The following RACGAP1 variants were observed in gnomAD, a reference collection of about 807,000 sequenced individuals.
The protein encoded by RACGAP1 is Rac GTPase activating protein 1.
Under a neutral mutation model 78.1 loss-of-function variants are expected in RACGAP1, and 30 were observed. That is an observed-to-expected ratio of 0.38 (90% CI 0.29 to 0.52). RACGAP1 has a LOEUF of 0.52. RACGAP1 is among the 20% of genes least tolerant of loss of function. The probability of loss-of-function intolerance (pLI) is 0.82; values close to 1 mark genes in which losing one functional copy is unlikely to be tolerated. For synonymous variants in RACGAP1, 231 were observed against 264.8 expected (o/e 0.87, Z 1.24); for missense variants, 587 against 777.1 (o/e 0.76, Z 2.91).
chr12:50,028,762 ACT>A (rs1015592619), upstream of RACGAP1, among the ~76,000 whole-genome samples: 6 of 149,394 alleles, frequency 4.0e-5, no homozygotes, highest in African/African-American at 1.5e-4. Context: ...ACAGAGAAAG[ACT>A]CTGTCTCAAA....
Position 49,990,745 on chromosome 12 carries a change from T to C in RACGAP1, c.1762A>G (p.Thr588Ala), listed in dbSNP as rs1285174208. The C allele has an allele frequency of 3.7e-6, 6 of 1,613,632 alleles. No homozygotes were observed. The highest frequency in any genetic ancestry group is 1.3e-5 in the African/African-American group (1 of 74,796). Residue 588 changes from threonine to alanine, a missense_variant, in exon 16 of 17, where the codon ACT (threonine) becomes GCT (alanine). Physicochemically the swap from Thr to Ala is moderately conservative, Grantham distance 58. Transcript: ENST00000312377. ...TGTGACAGGGAACTAGATGAAGGAG[T>C]CTTGAGAAGCTGATGTTCAGGAGTG... ...VTTPEHQLLK[T>A]PSSSSLSQRV...
rs1948843560 is a variant in RACGAP1, at chr12:50,004,235, C to T, written c.495G>A (p.Leu165=). ...TTCTCAGAGATCAAATGTTTATTAC[C>T]AGTGATTCATCAGTCTTGTCAAAGC... ...DISFDKTDES[L]DWDSSLVKTF... The change falls in exon 5 of 17, where the codon CTG becomes CTA. Residue 165 remains leucine, a splice_region_variant and synonymous_variant. Coordinates refer to ENST00000312377, the MANE Select transcript of RACGAP1 (RefSeq NM_001319999.2). The T allele has an allele frequency of 6.2e-7, 1 of 1,601,052 alleles. No individual in the cohort carries two copies. The highest frequency in any genetic ancestry group is 1.3e-5 in the African/African-American group (1 of 74,748).
chr12:50,030,647 C>T (rs1950324085), intron 2 of RACGAP1, among the ~76,000 whole-genome samples: 1 of 152,062 alleles, frequency 6.6e-6, no homozygotes, highest in Non-Finnish European at 1.5e-5. Context: ...CGCGATTGCG[C>T]CACTGCACTC....
At position 49,997,090 on chromosome 12, in the gene RACGAP1, G is replaced by C. The variant is rs1948343563; in HGVS notation, c.994C>G (p.Pro332Ala). 1 of 1,605,600 alleles carries C rather than the reference G, an allele frequency of 6.2e-7. No individual in the cohort carries two copies. Among genetic ancestry groups the C allele is most frequent in the Non-Finnish European group, 8.5e-7 (1 of 1,173,630 alleles). ...ATCAGGGTAGGAATGCAGGGAAGGG[G>C]ACAGCGGTCCCGACATTCTGGATGA... Reference protein sequence around the residue: ...VSHPECRDRCPLPCIPTLIGT... With the variant: ...VSHPECRDRCALPCIPTLIGT... The change falls in exon 10 of 17, where the codon CCC becomes GCC. Residue 332 changes from proline to alanine, a missense_variant. By Grantham distance (27) the Pro-to-Ala change is conservative (BLOSUM62 -1). Transcript: ENST00000312377.
intron 13 of RACGAP1, 40 bp from the exon 14 acceptor site, chr12:49,992,417 C>G: frequency 6.2e-7 from 1 of 1,602,438 alleles, no homozygotes; most frequent in Non-Finnish European, 8.5e-7. Context: ...TTGCTCCTTG[C>G]TTAAATGCAG....
chr12:50,016,243 C>T (rs1215345871), intron 2 of RACGAP1, among the ~76,000 whole-genome samples: 1 of 151,998 alleles, frequency 6.6e-6, no homozygotes, highest in African/African-American at 2.4e-5. Context: ...ATTAGCCGGG[C>T]GTGGTGGCGT....
chr12:50,009,119 C>T (rs1949150949), intron 2 of RACGAP1, among the ~76,000 whole-genome samples: 1 of 151,236 alleles, frequency 6.6e-6, no homozygotes, highest in South Asian at 2.1e-4. Flanking sequence ...TCTACTAACA[C>T]AAAAATTAGC....
intron 2 of RACGAP1, 49 bp downstream of exon 2, chr12:50,016,582 A>G (rs774030976): frequency 7.0e-6 from 11 of 1,561,686 alleles, no homozygotes; most frequent in South Asian, 6.7e-5. Flanking sequence ...AAAAATCCCA[A>G]ATTTGAAATC....
chr12:50,007,223 G>A (rs958979988), intron 2 of RACGAP1, among the ~76,000 whole-genome samples: 23 of 151,658 alleles, frequency 1.5e-4, no homozygotes, highest in African/African-American at 5.3e-4. Flanking sequence ...CTGCCCTGAA[G>A]GGTATGTAAA....
At chr12:50,018,628 T>G in intron 1 of RACGAP1, 1 of 1,124,780 alleles carries the variant, frequency 8.9e-7, no homozygotes, top group Non-Finnish European at 1.2e-6. Context: ...GTAGTTTTAA[T>G]ATAAGGTATT....
At chr12:50,016,758 C>T in intron 1 of RACGAP1, 39 bp from the exon 2 acceptor site, 1 of 1,593,718 alleles carries the variant, frequency 6.3e-7, no homozygotes, top group Non-Finnish European at 8.6e-7. Flanking sequence ...GTCCTGCCTT[C>T]TCGCCCACAA....
chr12:50,024,933 G>A (rs1370061411), intron 1 of RACGAP1, among the ~76,000 whole-genome samples: 1 of 152,026 alleles, frequency 6.6e-6, no homozygotes, highest in East Asian at 1.9e-4. Context: ...GAATCAGGAT[G>A]AGAAGGACAA....
chr12:50,026,600 T>C (rs528038812), upstream of RACGAP1, among the ~76,000 whole-genome samples: 9 of 152,286 alleles, frequency 5.9e-5, 1 homozygote, highest in African/African-American at 1.9e-4. Context: ...CATTCCACAG[T>C]GTATACATAC....
At chr12:50,014,537 G>A (rs1949538713) in intron 2 of RACGAP1, among the ~76,000 whole-genome samples, 1 of 151,972 alleles carries the variant, frequency 6.6e-6, no homozygotes, top group Non-Finnish European at 1.5e-5. Flanking sequence ...TGAGTATCTG[G>A]GACCACAGGC....
At chr12:50,004,113 C>CTATA in intron 5 of RACGAP1, 122 bp downstream of exon 5, 1 of 1,374,204 alleles carries the variant, frequency 7.3e-7, no homozygotes. Context: ...AGCTCAGAAT[C>CTATA]TATAACACAT....
At chr12:49,992,174 G>T (rs747308793) in intron 14 of RACGAP1, 41 bp from the exon 15 acceptor site, 1 of 1,612,758 alleles carries the variant, frequency 6.2e-7, no homozygotes, top group Non-Finnish European at 8.5e-7. Flanking sequence ...CCAAAGCTCA[G>T]GGCTTCTCAA....
chr12:49,999,426 A>AT, intron 8 of RACGAP1, 155 bp from the exon 9 acceptor site: 1 of 1,117,458 alleles, frequency 8.9e-7, no homozygotes, highest in South Asian at 1.6e-5. Flanking sequence ...AAGAAAAACT[A>AT]AAGTTATGCC....
chr12:50,027,313 T>C (rs1271061401), upstream of RACGAP1, among the ~76,000 whole-genome samples: 1 of 152,036 alleles, frequency 6.6e-6, no homozygotes, highest in Non-Finnish European at 1.5e-5. Context: ...TATAATAAAA[T>C]GAAATAAGTA....
intron 1 of RACGAP1, among the ~76,000 whole-genome samples, chr12:50,024,109 C>T (rs898592959): frequency 3.3e-5 from 5 of 151,728 alleles, no homozygotes; most frequent in Non-Finnish European, 5.9e-5. Context: ...TGCAGTGAGC[C>T]GAGATCGCGC....
Sources: allele counts gnomAD v4.1 joint callset (sites outside exome capture counted in the v4.1 genomes callset), GRCh38; gene constraint gnomAD v4.1.1; transcripts MANE v1.5; gene names NCBI Gene and HGNC (gene_info 2026-07-23, HGNC 2026-07-21).